The following ROBO2 variants were observed in gnomAD, a reference collection of about 807,000 sequenced individuals.
The protein encoded by ROBO2 is roundabout homolog 2.
A neutral mutation model predicts 160.8 loss-of-function variants in ROBO2; 53 were observed. That is an observed-to-expected ratio of 0.33 (90% CI 0.26 to 0.41). ROBO2 has a LOEUF of 0.41. Ranked by LOEUF, ROBO2 falls within the 10% of genes least tolerant of loss-of-function variation. The pLI, the probability that ROBO2 is intolerant of heterozygous loss-of-function variation, is 1.00. For missense variants in ROBO2, 1,577 were observed against 1,722.4 expected, an observed-to-expected ratio of 0.92 and a Z score of 1.49; for synonymous variants, 664 against 611.7, an observed-to-expected ratio of 1.09 and a Z score of -1.26.
At chr3:77,493,220 C>G in intron 4 of ROBO2, 24 bp from the exon 5 acceptor site, 2 of 1,608,914 alleles carry the variant, frequency 1.2e-6, no homozygotes, top group Non-Finnish European at 1.7e-6. Flanking sequence ...CTCATTTTAC[C>G]ATTGTTTCAT....
At chr3:77,290,018 A>C (rs2060991322) in intron 2 of ROBO2, among the ~76,000 whole-genome samples, 1 of 151,762 alleles carries the variant, frequency 6.6e-6, no homozygotes, top group Non-Finnish European at 1.5e-5. Context: ...CCCTAAAGAC[A>C]TAAAGTAAAA....
chr3:76,885,809 T>C (rs1348946768), intron 2 of ROBO2, among the ~76,000 whole-genome samples: 2 of 152,168 alleles, frequency 1.3e-5, no homozygotes, highest in African/African-American at 2.4e-5. Flanking sequence ...ATTACATCTT[T>C]CTTTATGCTC....
At chr3:76,375,676 A>C (rs2076309462) in intron 2 of ROBO2, among the ~76,000 whole-genome samples, 1 of 151,998 alleles carries the variant, frequency 6.6e-6, no homozygotes, top group East Asian at 1.9e-4. Context: ...CATAGAAGAT[A>C]GATTAAAAAA....
rs1321505657 is a variant in ROBO2 at position 77,034,643 on chromosome 3, T to G, written c.110-63371T>G. Among the ~76,000 whole-genome samples, 5 of 151,944 alleles carry G rather than the reference T, an allele frequency of 3.3e-5. No individual in the cohort carries two copies. The East Asian group carries it at 7.7e-4, about 23-fold the overall frequency. ...CATTGTGAAACATGCCTCAAAGAGA[T>G]TCAGTGAGCATACAACTGTAAAAAT... is the stretch of plus-strand genomic sequence containing the variant. On this transcript the variant is annotated intron_variant, in intron 2 of 26. Coordinates refer to the ROBO2 transcript ENST00000487694.
intron 2 of ROBO2, among the ~76,000 whole-genome samples, chr3:76,221,726 G>T (rs1037451011): frequency 6.6e-6 from 1 of 152,136 alleles, no homozygotes; most frequent in African/African-American, 2.4e-5. Context: ...TAAGACCGAT[G>T]GACTTCATGA....
chr3:77,197,022 G>T (rs1450942872), intron 2 of ROBO2, among the ~76,000 whole-genome samples: 1 of 151,778 alleles, frequency 6.6e-6, no homozygotes. Flanking sequence ...AAAGTAAAAT[G>T]AATAATGCAG....
intron 2 of ROBO2, among the ~76,000 whole-genome samples, chr3:76,755,131 A>G (rs1055933607): frequency 6.6e-6 from 1 of 151,730 alleles, no homozygotes. Context: ...TTTCTTTTAT[A>G]CTCAGATTAT....
At chr3:76,942,889 C>G (rs1439627030) in intron 2 of ROBO2, among the ~76,000 whole-genome samples, 1 of 152,028 alleles carries the variant, frequency 6.6e-6, no homozygotes, top group Non-Finnish European at 1.5e-5. Context: ...TTATTGAATA[C>G]TATGTTATAC....
At chr3:77,596,879 T>A in intron 19 of ROBO2, 129 bp downstream of exon 20, 2 of 1,085,050 alleles carry the variant, frequency 1.8e-6, no homozygotes, top group Non-Finnish European at 2.7e-6. Flanking sequence ...CAATGAAACA[T>A]ATGCACTAAC....
intron 2 of ROBO2, among the ~76,000 whole-genome samples, chr3:76,078,276 G>A (rs367940055): frequency 3.9e-5 from 6 of 152,072 alleles, no homozygotes; most frequent in East Asian, 1.9e-4. Flanking sequence ...AAACAGATTC[G>A]GATGTATTTG....
At chr3:76,869,852 C>G (rs920444275) in intron 2 of ROBO2, among the ~76,000 whole-genome samples, 5 of 152,034 alleles carry the variant, frequency 3.3e-5, no homozygotes, top group African/African-American at 9.7e-5. Flanking sequence ...GATTTTGGAG[C>G]GTTGTTTCAG....
intron 2 of ROBO2, among the ~76,000 whole-genome samples, chr3:76,811,859 TTCC>T (rs2065214469): frequency 3.6e-5 from 5 of 140,086 alleles, no homozygotes; most frequent in Non-Finnish European, 7.7e-5. Flanking sequence ...CCTTCCTTCC[TTCC>T]TTCCTTCCTT....
intron 2 of ROBO2, among the ~76,000 whole-genome samples, chr3:76,059,864 A>T (rs2107875945): frequency 6.6e-6 from 1 of 152,316 alleles, no homozygotes; most frequent in South Asian, 2.1e-4. Context: ...AGCTTTCTAC[A>T]TATGGCTAGC....
intron 2 of ROBO2, among the ~76,000 whole-genome samples, chr3:76,022,749 T>C (rs900054684): frequency 6.6e-6 from 1 of 151,764 alleles, no homozygotes; most frequent in Non-Finnish European, 1.5e-5. Flanking sequence ...GCATAATTTT[T>C]ACTATTTTCA....
intron 2 of ROBO2, among the ~76,000 whole-genome samples, chr3:76,333,847 A>G (rs1008885227): frequency 6.6e-5 from 10 of 152,182 alleles, no homozygotes; most frequent in Non-Finnish European, 1.2e-4. Context: ...TTGTAGGGAC[A>G]TGGATGAAGC....
At chr3:77,288,985 G>A (rs1401588531) in intron 2 of ROBO2, among the ~76,000 whole-genome samples, 2 of 152,152 alleles carry the variant, frequency 1.3e-5, no homozygotes, top group Non-Finnish European at 2.9e-5. Context: ...AAATTTGTAT[G>A]TGTTATGACT....
chr3:76,664,276 A>G (rs1467950700), intron 2 of ROBO2, among the ~76,000 whole-genome samples: 1 of 152,156 alleles, frequency 6.6e-6, no homozygotes, highest in Non-Finnish European at 1.5e-5. Flanking sequence ...AATGGAGAGT[A>G]AAGGTGGGAG....
intron 2 of ROBO2, among the ~76,000 whole-genome samples, chr3:77,204,830 T>G (rs1167938253): frequency 6.6e-6 from 1 of 152,194 alleles, no homozygotes; most frequent in Non-Finnish European, 1.5e-5. Context: ...TAACTAAAAT[T>G]TAGGTAGGGA....
chr3:76,567,658 T>C (rs56186787), intron 2 of ROBO2, among the ~76,000 whole-genome samples: 2,267 of 101,952 alleles, frequency 0.022, 102 homozygotes, highest in African/African-American at 0.083. Context: ...TATATACACA[T>C]ACACATATAT....
Sources: allele counts gnomAD v4.1 joint callset (sites outside exome capture counted in the v4.1 genomes callset), GRCh38; gene constraint gnomAD v4.1.1; transcripts MANE v1.5; gene names NCBI Gene and HGNC (gene_info 2026-07-23, HGNC 2026-07-21).